KLHL8: variants seen among roughly 807,000 people sequenced by gnomAD.
KLHL8 encodes the protein kelch like family member 8, also known as kelch-like protein 8.
KLHL8 carries 38 observed loss-of-function variants against 63.5 expected under a neutral mutation model. The ratio of observed to expected loss-of-function variants is 0.60; its 90% CI spans 0.46 to 0.78. The LOEUF (loss-of-function observed/expected upper bound fraction) is 0.78, where lower values mean the gene tolerates loss of function less well. KLHL8 is among the 30% of genes least tolerant of loss of function. KLHL8 has a pLI of 0.00. For missense variants in KLHL8, 566 were observed against 752.4 expected (o/e 0.75, Z 2.90); for synonymous variants, 224 against 254.3 (o/e 0.88, Z 1.13).
At chr4:87,164,963 A>T (rs572320026) in intron 8 of KLHL8, among the ~76,000 whole-genome samples, 3 of 151,970 alleles carry the variant, frequency 2.0e-5, no homozygotes, top group Non-Finnish European at 4.4e-5. Flanking sequence ...CCTGGCTAAC[A>T]CGGTGAAACC....
intron 8 of KLHL8, among the ~76,000 whole-genome samples, chr4:87,165,084 CG>C (rs1730339559): frequency 7.0e-6 from 1 of 143,430 alleles, no homozygotes; most frequent in African/African-American, 2.6e-5. Flanking sequence ...GGGAGGCGGA[CG>C]CTTGCAGTGA....
chr4:87,178,651 T>TCATAGCTGC (rs1438500253), intron 4 of KLHL8, 31 bp from the exon 5 acceptor site: 1 of 1,483,180 alleles, frequency 6.7e-7, no homozygotes, highest in Non-Finnish European at 8.9e-7. Context: ...TAGAGATAAA[T>TCATAGCTGC]CATAGCTGCC....
chr4:87,186,971 A>C (rs1458044785), intron 2 of KLHL8, among the ~76,000 whole-genome samples: 2 of 134,506 alleles, frequency 1.5e-5, no homozygotes, highest in East Asian at 4.5e-4. Context: ...CTCACATAAA[A>C]GCAGTAAAAA....
chr4:87,168,776 A>G (rs184105415), intron 8 of KLHL8, among the ~76,000 whole-genome samples: 115 of 129,412 alleles, frequency 8.9e-4, no homozygotes, highest in East Asian at 1.8e-3. Flanking sequence ...ATATATGTGT[A>G]TATATATACG....
intron 1 of KLHL8, among the ~76,000 whole-genome samples, chr4:87,226,621 AATATATATTACTTATATAAATAAT>A (rs1732983376): frequency 2.0e-5 from 1 of 49,464 alleles, no homozygotes; most frequent in African/African-American, 1.0e-4. Flanking sequence ...TTATATAAAT[AATATATATTACTTATATAAATAAT>A]ATATATATTA....
At chr4:87,207,097 G>C in intron 1 of KLHL8, 3 of 500,352 alleles carry the variant, frequency 6.0e-6, no homozygotes, top group Non-Finnish European at 1.1e-5. Flanking sequence ...TAGTGAAGGT[G>C]ATGGCCGGAG....
intron 1 of KLHL8, chr4:87,206,982 G>C: frequency 3.3e-6 from 1 of 300,884 alleles, no homozygotes; most frequent in South Asian, 3.2e-5. Context: ...TCTATGGGTT[G>C]GGTTTTTTCC....
rs571243108 is a variant in KLHL8 at position 87,168,742 on chromosome 4, A to G, written c.1537+1337T>C. On this transcript the variant is annotated intron_variant, in intron 8 of 9. Coordinates refer to ENST00000273963, the MANE Select transcript of KLHL8 (RefSeq NM_020803.5). ...TATACGTATATATATGTGTGTATAT[A>G]TACGTGTATATATGTGTGTGTATAT... Among the ~76,000 whole-genome samples, 11 of 148,170 alleles carry G rather than the reference A, an allele frequency of 7.4e-5. No individual in the cohort carries two copies. In the East Asian group the frequency reaches 2.2e-3, roughly 29 times the overall value.
At chr4:87,212,979 A>G (rs1328772286) in intron 1 of KLHL8, among the ~76,000 whole-genome samples, 1 of 152,224 alleles carries the variant, frequency 6.6e-6, no homozygotes, top group African/African-American at 2.4e-5. Flanking sequence ...TGACACACGC[A>G]ATATTAGATA....
At chr4:87,201,983 C>T (rs1427963468) in intron 1 of KLHL8, among the ~76,000 whole-genome samples, 1 of 151,830 alleles carries the variant, frequency 6.6e-6, no homozygotes, top group Non-Finnish European at 1.5e-5. Flanking sequence ...TGGCAGGTGC[C>T]TGTAGTCCCA....
intron 1 of KLHL8, among the ~76,000 whole-genome samples, chr4:87,202,834 T>C (rs539404827): frequency 9.9e-5 from 15 of 152,272 alleles, no homozygotes; most frequent in African/African-American, 3.4e-4. Flanking sequence ...ATGACTCTGA[T>C]ACCAAAACAA....
chr4:87,238,580 G>A (rs572666421), intron 1 of KLHL8, among the ~76,000 whole-genome samples: 2 of 152,206 alleles, frequency 1.3e-5, no homozygotes, highest in South Asian at 2.1e-4. Flanking sequence ...TGTGACTATT[G>A]AGCACTTGAA....
At chr4:87,166,606 G>C (rs1730409585) in intron 8 of KLHL8, among the ~76,000 whole-genome samples, 1 of 152,152 alleles carries the variant, frequency 6.6e-6, no homozygotes, top group Admixed American at 6.5e-5. Flanking sequence ...GAAGTGTGTT[G>C]TGTGAACCTG....
At chr4:87,207,506 A>T in intron 1 of KLHL8, 1 of 825,886 alleles carries the variant, frequency 1.2e-6, no homozygotes, top group African/African-American at 1.7e-5. Flanking sequence ...GAGAAGTATG[A>T]CAACAGCCTC....
At chr4:87,183,410 A>C (rs1390391561) in intron 3 of KLHL8, 21 bp from the exon 4 acceptor site, 9 of 1,494,522 alleles carry the variant, frequency 6.0e-6, no homozygotes, top group Non-Finnish European at 8.1e-6. Flanking sequence ...GAATAGTTGC[A>C]ATACAACAAA....
intron 1 of KLHL8, among the ~76,000 whole-genome samples, chr4:87,228,956 C>T (rs556406756): frequency 6.6e-6 from 1 of 152,384 alleles, no homozygotes; most frequent in African/African-American, 2.4e-5. Context: ...TTCTCAGCTT[C>T]TCTGGCTAAG....
At chr4:87,221,372 C>T (rs1055136883), upstream of KLHL8, 1 of 128,594 alleles carries the variant, frequency 7.8e-6, no homozygotes, top group African/African-American at 3.0e-5. Context: ...TCCAGCCTGG[C>T]GACAGAGCAA....
At chr4:87,178,154 T>A (rs1227879678) in intron 5 of KLHL8, among the ~76,000 whole-genome samples, 2 of 152,182 alleles carry the variant, frequency 1.3e-5, no homozygotes, top group African/African-American at 4.8e-5. Flanking sequence ...TAATAATCAT[T>A]AATTTTAATT....
At chr4:87,181,418 A>C (rs1307445877) in intron 4 of KLHL8, among the ~76,000 whole-genome samples, 1 of 152,154 alleles carries the variant, frequency 6.6e-6, no homozygotes, top group Non-Finnish European at 1.5e-5. Context: ...AAAAAAAGAA[A>C]TCTGTTTATA....
Sources: gnomAD v4.1 joint callset for allele counts (sites outside exome capture counted in the v4.1 genomes callset) on GRCh38, gnomAD v4.1.1 for gene constraint, MANE v1.5 for transcripts, NCBI Gene and HGNC (gene_info 2026-07-23, HGNC 2026-07-21) for gene names.